The following MYLK variants were observed in gnomAD, a reference collection of about 807,000 sequenced individuals.
MYLK encodes the protein myosin light chain kinase, smooth muscle.
Under a neutral mutation model 203.4 loss-of-function variants are expected in MYLK, and 106 were observed. That is an observed-to-expected ratio of 0.52 (90% confidence interval 0.45 to 0.61). The LOEUF is 0.61. Ranked by LOEUF, MYLK falls within the 20% of genes least tolerant of loss-of-function variation. MYLK has a pLI of 0.00. For synonymous variants in MYLK, 867 were observed against 959.5 expected, an observed-to-expected ratio of 0.90 and a Z score of 1.78; for missense variants, 2,072 against 2,442.3, an observed-to-expected ratio of 0.85 and a Z score of 3.20.
intron 2 of MYLK, among the ~76,000 whole-genome samples, chr3:123,857,901 A>G (rs996883647): frequency 3.2e-4 from 48 of 152,230 alleles, no homozygotes; most frequent in Non-Finnish European, 3.2e-4. Context: ...AATAGCCTAC[A>G]CTGGGCCTGT....
Position 123,875,139 on chromosome 3 carries a change from T to C in MYLK, c.-127+1420A>G, listed in dbSNP as rs184339141. ...AGATATTTACCCAAGTGAAATGAAA[T>C]CTATGTTCACCTAAAAATCTGTTCA... On this transcript the variant is annotated intron_variant, in intron 2 of 33. Transcript: ENST00000360304. Among the ~76,000 whole-genome samples the C allele has an allele frequency of 1.4e-4, 21 of 152,290 alleles. No individual in the cohort carries two copies. In the East Asian group the frequency reaches 4.1e-3, roughly 29 times the overall value.
At chr3:123,634,835 G>A (rs113754392) in intron 29 of MYLK, among the ~76,000 whole-genome samples, 121 of 152,316 alleles carry the variant, frequency 7.9e-4, no homozygotes, top group Non-Finnish European at 1.4e-3. Flanking sequence ...GATTTCTCCC[G>A]TATGGAAGTG....
intron 3 of MYLK, among the ~76,000 whole-genome samples, chr3:123,796,315 C>A (rs1577002789): frequency 6.6e-6 from 1 of 152,126 alleles, no homozygotes; most frequent in African/African-American, 2.4e-5. Flanking sequence ...CAAGTTCATG[C>A]ATTTAGTAGG....
intron 24 of MYLK, among the ~76,000 whole-genome samples, chr3:123,653,169 A>G (rs1175212570): frequency 6.6e-6 from 1 of 152,022 alleles, no homozygotes; most frequent in African/African-American, 2.4e-5. Context: ...CCTTTTTAAT[A>G]TGATCCCACC....
At chr3:123,661,421 C>T (rs1487362344) in intron 23 of MYLK, among the ~76,000 whole-genome samples, 1 of 152,114 alleles carries the variant, frequency 6.6e-6, no homozygotes, top group African/African-American at 2.4e-5. Context: ...AAGTGGATCA[C>T]TAGCACCAAG....
intron 18 of MYLK, among the ~76,000 whole-genome samples, chr3:123,693,303 T>C (rs2060760855): frequency 6.6e-6 from 1 of 152,180 alleles, no homozygotes; most frequent in African/African-American, 2.4e-5. Context: ...ACAGCAGTGA[T>C]GCTGTGACTG....
chr3:123,823,758 A>G (rs2066016188), intron 3 of MYLK, among the ~76,000 whole-genome samples: 1 of 152,090 alleles, frequency 6.6e-6, no homozygotes, highest in South Asian at 2.1e-4. Context: ...CATGGCCTAC[A>G]CGGCCCTGCA....
intron 12 of MYLK, among the ~76,000 whole-genome samples, chr3:123,724,527 C>T (rs1207507823): frequency 2.6e-5 from 4 of 152,184 alleles, no homozygotes; most frequent in African/African-American, 7.2e-5. Context: ...GGAGGGAAGG[C>T]AGACCTCAAT....
intron 4 of MYLK, among the ~76,000 whole-genome samples, chr3:123,787,646 G>A (rs2064587888): frequency 6.6e-6 from 1 of 152,136 alleles, no homozygotes; most frequent in South Asian, 2.1e-4. Flanking sequence ...TATTAAAACT[G>A]GCTCCATCAC....
chr3:123,615,344 T>A (rs904475310), intron 33 of MYLK, among the ~76,000 whole-genome samples: 2 of 152,030 alleles, frequency 1.3e-5, no homozygotes, highest in African/African-American at 4.8e-5. Context: ...CTTTTTCCTT[T>A]TTTTTTTGAG....
intron 16 of MYLK, among the ~76,000 whole-genome samples, chr3:123,702,994 T>C (rs1168085126): frequency 6.6e-6 from 1 of 152,208 alleles, no homozygotes; most frequent in Non-Finnish European, 1.5e-5. Flanking sequence ...TGCACATATG[T>C]AGTTATCAAC....
intron 3 of MYLK, 74 bp downstream of exon 3, chr3:123,831,473 TC>T: frequency 7.8e-7 from 1 of 1,279,518 alleles, no homozygotes; most frequent in African/African-American, 1.5e-5. Flanking sequence ...GACACACAGC[TC>T]CCCTCTCTGC....
chr3:123,662,222 C>T (rs62264574), intron 23 of MYLK, among the ~76,000 whole-genome samples: 6,691 of 152,286 alleles, frequency 0.044, 206 homozygotes, highest in Non-Finnish European at 0.068. Context: ...CTACTTCACA[C>T]TCCCATGAGT....
At chr3:123,616,865 GCTT>G (rs1166956111) in intron 33 of MYLK, 1 of 152,106 alleles carries the variant, frequency 6.6e-6, no homozygotes, top group African/African-American at 2.4e-5. Context: ...AGCCAAATAA[GCTT>G]CTTTTCTTTA....
Position 123,733,723 on chromosome 3 carries a change from C to T in MYLK, c.1273G>A (p.Val425Ile), listed in dbSNP as rs1560147023. ...KFESKPQSQE[V>I]KENQTVKFRC... ...AACTTGACAGTTTGATTTTCCTTGA[C>T]CTCCTGGCTTTGGGGCTTGCTCTCA... Residue 425 changes from valine to isoleucine, a missense_variant, in exon 10 of 34, where the codon GTC becomes ATC. Around this residue, in one of 3 missense-constraint regions of MYLK, gnomAD observed 683 missense variants for 643.8 expected, o/e 1.06. Transcript: ENST00000360304. 6.2e-7 allele frequency: 1 copy of T among 1,614,190 alleles called. No individual in the cohort carries two copies. The highest frequency in any genetic ancestry group is 8.5e-7 in the Non-Finnish European group (1 of 1,180,022).
rs1017588043 is a variant in MYLK, at chr3:123,612,047, C to G, written c.*2058G>C. 5.9e-5 allele frequency: 9 copies of G among 152,478 alleles called. No homozygotes were observed. Among genetic ancestry groups the G allele is most frequent in the Admixed American group, 5.2e-4 (8 of 15,294 alleles). The allele number at this position is 152,478 out of a possible 1,614,324, so 9.4% of individuals were successfully genotyped here. A position where few individuals can be genotyped will look rare whatever the true frequency, so the allele number is the denominator to read the frequency against. On this transcript the variant is annotated 3_prime_UTR_variant, in exon 34 of 34. Transcript: ENST00000360304. The stretch of plus-strand genomic sequence containing the variant: ...TTACCGGGGGTTGGGGACACCTGCT[C>G]TATAAGATATCCTTCTAGAATGATT...
chr3:123,872,786 T>A (rs374628710), intron 2 of MYLK, among the ~76,000 whole-genome samples: 3 of 152,142 alleles, frequency 2.0e-5, no homozygotes, highest in African/African-American at 7.2e-5. Context: ...CCCCTTTGAT[T>A]AGGAGTTTTT....
intron 3 of MYLK, among the ~76,000 whole-genome samples, chr3:123,829,214 G>C (rs1456119245): frequency 2.6e-5 from 4 of 151,994 alleles, no homozygotes; most frequent in Non-Finnish European, 5.9e-5. Flanking sequence ...GAAGATGAAT[G>C]GATAAATAAA....
intron 2 of MYLK, among the ~76,000 whole-genome samples, chr3:123,861,900 G>C (rs1487655978): frequency 6.6e-6 from 1 of 152,166 alleles, no homozygotes. Flanking sequence ...GTTTCTGTGG[G>C]CCATCTGGGC....
Sources: allele counts gnomAD v4.1 joint callset (sites outside exome capture counted in the v4.1 genomes callset), GRCh38; gene constraint gnomAD v4.1.1; regional missense constraint gnomAD v4.1.1; transcripts MANE v1.5; gene names NCBI Gene and HGNC (gene_info 2026-07-23, HGNC 2026-07-21).